BPIFB1: variants seen among roughly 807,000 people sequenced by gnomAD.
BPIFB1 encodes the protein BPI fold containing family B member 1.
Under a neutral mutation model 55.1 loss-of-function variants are expected in BPIFB1, and 34 were observed. The observed-to-expected ratio is 0.62, with a 90% CI of 0.47 to 0.82. BPIFB1 has a LOEUF of 0.82. BPIFB1 is among the 40% of genes least tolerant of loss of function. The pLI is 0.00. For missense variants in BPIFB1, 532 were observed against 593.1 expected (o/e 0.90, Z 1.07); for synonymous variants, 236 against 245.3 (o/e 0.96, Z 0.35).
intron 5 of BPIFB1, 71 bp from the exon 6 acceptor site, chr20:33,291,836 T>A: frequency 7.1e-7 from 1 of 1,412,058 alleles, no homozygotes; most frequent in South Asian, 1.2e-5. Context: ...AGCCTCCCCC[T>A]CTGTAAAATA....
chr20:33,303,033 C>T lies in BPIFB1; in HGVS notation c.1099C>T (p.Pro367Ser). ...CCAACTGATCGTGCTGGAAGTGTTT[C>T]CCTCCAGTGAAGCCCTCCGCCCTTT... ...VAQLIVLEVF[P>S]SSEALRPLFT... is the part of the protein sequence containing the mutation. Residue 367 changes from proline (P) to serine (S), a missense_variant, in exon 11 of 16, where the codon CCC becomes TCC. Pro to Ser is a moderately conservative substitution (Grantham distance 74, BLOSUM62 -1). Coordinates refer to ENST00000253354, the MANE Select transcript of BPIFB1 (RefSeq NM_033197.3). 1 of 1,614,040 alleles carries T rather than the reference C, an allele frequency of 6.2e-7. No homozygotes were observed. The highest frequency in any genetic ancestry group is 8.5e-7 in the Non-Finnish European group (1 of 1,179,960).
Position 33,309,050 on chromosome 20 carries a change from C to A in BPIFB1, c.1396-658C>A, listed in dbSNP as rs1981146964. Among the ~76,000 whole-genome samples, 1 of 152,132 alleles carries A rather than the reference C, an allele frequency of 6.6e-6. No individual in the cohort carries two copies. The highest frequency in any genetic ancestry group is 1.5e-5 in the Non-Finnish European group (1 of 68,032). ...ATGTCCATCTTGTCCATGCCTCTGT[C>A]CCCGGTGCTCAGCATGGCCTGGCAC... On this transcript the variant is annotated intron_variant, in intron 15 of 15. Transcript: ENST00000253354. The surrounding 1 kb of genome is among the most constrained non-coding windows in gnomAD (Gnocchi z 4.4).
intron 4 of BPIFB1, among the ~76,000 whole-genome samples, 164 bp downstream of exon 4, chr20:33,290,156 T>C (rs1225343386): frequency 6.6e-6 from 1 of 151,722 alleles, no homozygotes; most frequent in Non-Finnish European, 1.5e-5. Context: ...GCTCAAAGAA[T>C]GGCAAAGACA....
intron 7 of BPIFB1, 121 bp from the exon 8 acceptor site, chr20:33,299,778 C>T (rs2146532882): frequency 1.3e-6 from 1 of 742,328 alleles, no homozygotes; most frequent in East Asian, 2.6e-5. Context: ...ATCATTATTA[C>T]CTGCTCCTCC....
At chr20:33,292,862 C>T (rs1980518423) in intron 6 of BPIFB1, among the ~76,000 whole-genome samples, 1 of 152,238 alleles carries the variant, frequency 6.6e-6, no homozygotes. Flanking sequence ...GATCTAGGGT[C>T]AAAACACCTT....
In BPIFB1 at chr20:33,305,946, G is replaced by A. The variant is rs942622364; in HGVS notation, c.1255-56G>A. On this transcript the variant is annotated intron_variant, in intron 13 of 15. Coordinates refer to ENST00000253354, the MANE Select transcript of BPIFB1 (RefSeq NM_033197.3). The stretch of plus-strand genomic sequence containing the variant: ...AGGAGCCACACCCACGAAGAATGAT[G>A]GGGGGGAACTTCAGATGCTCAACCA... 1.0e-5 allele frequency: 16 copies of A among 1,579,482 alleles called. No individual in the cohort carries two copies. In the Admixed American group the frequency reaches 1.5e-4, roughly 15 times the overall value.
At chr20:33,302,709 G>GCATT (rs979104788) in intron 10 of BPIFB1, 13 of 653,556 alleles carry the variant, frequency 2.0e-5, no homozygotes, top group Non-Finnish European at 3.1e-5. Context: ...GAAGGGAAGG[G>GCATT]CATTCCAGAC....
chr20:33,306,802 C>A, intron 14 of BPIFB1, 109 bp from the exon 15 acceptor site: 1 of 878,968 alleles, frequency 1.1e-6, no homozygotes, highest in Non-Finnish European at 1.9e-6. Flanking sequence ...AGGGGGCTGT[C>A]TGATCAGGCC....
Position 33,290,959 on chromosome 20 carries a change from C to T in BPIFB1, c.368C>T (p.Pro123Leu), listed in dbSNP as rs1437625925. The T allele has an allele frequency of 6.2e-7, 1 of 1,613,664 alleles. No individual in the cohort carries two copies. The change falls in exon 5 of 16, where the codon CCC (proline) becomes CTC (leucine). Residue 123 changes from proline (P) to leucine (L), a missense_variant and splice_region_variant. Pro to Leu is a moderately conservative substitution (Grantham distance 98). Coordinates refer to ENST00000253354, the MANE Select transcript of BPIFB1 (RefSeq NM_033197.3). ...GGTCAGGTGCCTCCACCCGCTAGGC[C>T]CCTGGTCAAGACCATCGTGGAGTTC... Reference protein sequence around the residue: ...PLDMVAGFNTPLVKTIVEFHM... With the variant: ...PLDMVAGFNTLLVKTIVEFHM...
intron 15 of BPIFB1, among the ~76,000 whole-genome samples, chr20:33,308,735 CACAT>C (rs879730837): frequency 2.0e-5 from 3 of 151,608 alleles, no homozygotes; most frequent in Non-Finnish European, 2.9e-5. Context: ...CATACACACA[CACAT>C]ACATATTGCA....
chr20:33,302,822 G>A, intron 10 of BPIFB1, 94 bp from the exon 11 acceptor site: 1 of 1,424,540 alleles, frequency 7.0e-7, no homozygotes, highest in Non-Finnish European at 9.7e-7. Context: ...GGAGCAGGGA[G>A]CCCAGGAAGG....
At chr20:33,292,470 A>C (rs1980506614) in intron 6 of BPIFB1, among the ~76,000 whole-genome samples, 1 of 152,228 alleles carries the variant, frequency 6.6e-6, no homozygotes, top group African/African-American at 2.4e-5. Flanking sequence ...ACTAATTAGG[A>C]AGCAATGCGT....
At chr20:33,305,635 G>A (rs761786319) in intron 13 of BPIFB1, among the ~76,000 whole-genome samples, 2 of 152,058 alleles carry the variant, frequency 1.3e-5, no homozygotes, top group Non-Finnish European at 2.9e-5. Context: ...TTTAAAACAC[G>A]GAGAGTTCCA....
chr20:33,293,007 C>T (rs1005327822), intron 6 of BPIFB1, among the ~76,000 whole-genome samples: 3 of 152,246 alleles, frequency 2.0e-5, no homozygotes, highest in African/African-American at 4.8e-5. Context: ...CTGCAACCTC[C>T]GCCTCCCGGG....
At chr20:33,297,437 G>C in intron 6 of BPIFB1, 88 bp from the exon 7 acceptor site, 1 of 1,423,312 alleles carries the variant, frequency 7.0e-7, no homozygotes, top group Non-Finnish European at 9.9e-7. Context: ...GTAGGACACA[G>C]GCCAGGTGGG....
chr20:33,299,932 T>C lies in BPIFB1; in HGVS notation c.695T>C (p.Phe232Ser). The C allele has an allele frequency of 6.2e-7, 1 of 1,614,006 alleles. No individual in the cohort carries two copies. Among genetic ancestry groups the C allele is most frequent in the Non-Finnish European group, 8.5e-7 (1 of 1,179,914 alleles). The change falls in exon 8 of 16, where the codon TTT becomes TCT. Residue 232 changes from phenylalanine to serine, a missense_variant. Physicochemically the swap from Phe to Ser is radical, Grantham distance 155 (BLOSUM62 -2). Transcript: ENST00000253354. The part of the protein sequence containing the change: ...PISLSIDRLE[F>S]DLLYPAIKGD... ...TCCCTCAGCATTGACCGTCTGGAGTTTGACCTTCTGTATCCTGCCATCAAG... is the reference window on the plus strand; with the variant it reads ...TCCCTCAGCATTGACCGTCTGGAGTCTGACCTTCTGTATCCTGCCATCAAG...
At chr20:33,304,317 G>T (rs1184088633) in intron 12 of BPIFB1, among the ~76,000 whole-genome samples, 2 of 152,172 alleles carry the variant, frequency 1.3e-5, no homozygotes, top group Admixed American at 1.3e-4. Context: ...GAAGTGCAGG[G>T]CTCCAGCTGC....
Position 33,285,970 on chromosome 20 carries a change from T to C in BPIFB1, c.-41-63T>C, listed in dbSNP as rs768796667. Reference sequence around the variant, plus strand: ...CCTCTCCTGGACACCGTGCCCCAGGTCACCGGGCATCATGGGCCTGCCCTT... The same window carrying C: ...CCTCTCCTGGACACCGTGCCCCAGGCCACCGGGCATCATGGGCCTGCCCTT... On this transcript the variant is annotated intron_variant, in intron 1 of 15. Transcript: ENST00000253354. 6.1e-4 allele frequency: 629 copies of C among 1,033,876 alleles called. 6 individuals carry two copies. The highest frequency in any genetic ancestry group is 1.2e-4 in the Non-Finnish European group (83 of 676,902). 64.0% of individuals were successfully genotyped at this position (1,033,876 alleles called of 1,614,324 possible).
At chr20:33,287,606 T>C (rs943607459) in intron 2 of BPIFB1, among the ~76,000 whole-genome samples, 1 of 152,176 alleles carries the variant, frequency 6.6e-6, no homozygotes, top group African/African-American at 2.4e-5. Context: ...TGAAGCCCAC[T>C]GTGTGGTGGA....
Sources: gnomAD v4.1 joint callset for allele counts (sites outside exome capture counted in the v4.1 genomes callset) on GRCh38, gnomAD v4.1.1 for gene constraint, Gnocchi (gnomAD v3.1) non-coding constraint, MANE v1.5 for transcripts, NCBI Gene and HGNC (gene_info 2026-07-23, HGNC 2026-07-21) for gene names.